Variants in P3H2 observed in about 807,000 individuals in gnomAD.
P3H2 encodes the protein prolyl 3-hydroxylase 2.
P3H2 carries 80 observed loss-of-function variants against 87.0 expected under a neutral mutation model. The observed-to-expected ratio is 0.92, with a 90% CI of 0.77 to 1.11. P3H2 has a LOEUF of 1.11. Among genes scored for constraint, P3H2 ranks in the 50% least tolerant of loss-of-function variants. The pLI, the probability that P3H2 is intolerant of heterozygous loss-of-function variation, is 0.00. For synonymous variants in P3H2, 367 were observed against 359.3 expected, an observed-to-expected ratio of 1.02 and a Z score of -0.24; for missense variants, 1,001 against 923.9, an observed-to-expected ratio of 1.08 and a Z score of -1.08.
rs984415743 is a variant in P3H2, at chr3:189,974,016, T to C, written c.1453-12A>G. ...ACAAGCATGATTCCCTGGAAGCAAA[T>C]ACAAGAAGATACGTCATCAATGATA... On this transcript the variant is annotated splice_polypyrimidine_tract_variant and intron_variant, in intron 9 of 14. Coordinates refer to ENST00000319332, the MANE Select transcript of P3H2 (RefSeq NM_018192.4). 2.5e-6 allele frequency: 4 copies of C among 1,589,964 alleles called. No individual in the cohort carries two copies. The African/African-American group carries it at 5.4e-5, about 21-fold the overall frequency.
chr3:189,994,396 G>A, intron 2 of P3H2, 113 bp from the exon 3 acceptor site: 1 of 797,012 alleles, frequency 1.3e-6, no homozygotes, highest in South Asian at 1.6e-5. Flanking sequence ...AGGTAGATGG[G>A]GTACTGGATG....
intron 1 of P3H2, among the ~76,000 whole-genome samples, chr3:190,045,142 T>A (rs763047577): frequency 1.3e-5 from 2 of 152,170 alleles, no homozygotes; most frequent in Non-Finnish European, 2.9e-5. Context: ...ACCTTTGGCA[T>A]CTCTGAGGAA....
intron 1 of P3H2, among the ~76,000 whole-genome samples, chr3:190,011,227 T>A (rs1724576973): frequency 6.7e-6 from 1 of 149,800 alleles, no homozygotes; most frequent in African/African-American, 2.5e-5. Flanking sequence ...GAGCCGAGAT[T>A]GCGCCACTGC....
chr3:189,966,986 G>T (rs1723024954), intron 13 of P3H2, among the ~76,000 whole-genome samples: 1 of 152,122 alleles, frequency 6.6e-6, no homozygotes, highest in Admixed American at 6.5e-5. Flanking sequence ...ACTTCCTTAT[G>T]TGGCCTCAAG....
intron 12 of P3H2, 39 bp from the exon 13 acceptor site, chr3:189,970,930 G>T (rs1322849294): frequency 4.6e-6 from 5 of 1,091,820 alleles, no homozygotes; most frequent in African/African-American, 3.1e-5. Context: ...ATTATTATAT[G>T]CTTATGAGAG....
At chr3:190,070,888 G>T (rs140839884) in intron 1 of P3H2, among the ~76,000 whole-genome samples, 4 of 152,178 alleles carry the variant, frequency 2.6e-5, no homozygotes, top group Non-Finnish European at 5.9e-5. Flanking sequence ...TAGCTGACCC[G>T]ACCAGAACAT....
chr3:190,046,100 GCGA>G (rs1725794298), intron 1 of P3H2, among the ~76,000 whole-genome samples: 1 of 150,204 alleles, frequency 6.7e-6, no homozygotes, highest in African/African-American at 2.5e-5. Context: ...TCCCGCCTGG[GCGA>G]CAGAGCAAGA....
chr3:189,961,933 AATAGT>A (rs1190868965), intron 14 of P3H2, among the ~76,000 whole-genome samples: 2 of 152,186 alleles, frequency 1.3e-5, no homozygotes, highest in Admixed American at 6.5e-5. Context: ...TGAATACTAG[AATAGT>A]GAGGTAATAT....
intron 1 of P3H2, among the ~76,000 whole-genome samples, chr3:189,999,618 G>C (rs1490633926): frequency 6.6e-6 from 1 of 152,170 alleles, no homozygotes; most frequent in Admixed American, 6.5e-5. Flanking sequence ...GCACACTACA[G>C]TTAAAGGCTC....
At chr3:190,090,727 A>G (rs1047170603) in intron 1 of P3H2, among the ~76,000 whole-genome samples, 5 of 151,924 alleles carry the variant, frequency 3.3e-5, no homozygotes, top group African/African-American at 1.2e-4. Context: ...TTTACCACCT[A>G]TTACCTTAGA....
rs67674803 is a variant in P3H2 at position 189,965,398 on chromosome 3, A to ATG, written c.1894-1302_1894-1301dup. Among the ~76,000 whole-genome samples the ATG allele has an allele frequency of 9.1e-3, 1,390 of 152,172 alleles. 17 individuals carry two copies. The highest frequency in any genetic ancestry group is 0.032 in the African/African-American group (1,334 of 41,506). The stretch of plus-strand genomic sequence containing the variant: ...TGTGTTTATGTCTGTGTGAGTCTGC[A>ATG]TGTGTGTGTATATGTGACTTGTGTG... On this transcript the variant is annotated intron_variant, in intron 13 of 14. Coordinates refer to ENST00000319332, the MANE Select transcript of P3H2 (RefSeq NM_018192.4).
chr3:190,095,359 C>A (rs1208023036), intron 1 of P3H2, among the ~76,000 whole-genome samples: 2 of 108,316 alleles, frequency 1.8e-5, no homozygotes, highest in African/African-American at 3.6e-5. Context: ...TGGATTATCA[C>A]CTCAAAATGT....
chr3:190,087,412 C>A (rs569946193), intron 1 of P3H2, among the ~76,000 whole-genome samples: 16 of 151,540 alleles, frequency 1.1e-4, no homozygotes, highest in Non-Finnish European at 2.2e-4. Context: ...GGTGTGGTGG[C>A]GGGCGCCTGT....
intron 1 of P3H2, among the ~76,000 whole-genome samples, chr3:190,067,007 C>CTT (rs759812431): frequency 0.033 from 4,850 of 144,884 alleles, 353 homozygotes; most frequent in African/African-American, 0.12. Context: ...TTTTAATTTT[C>CTT]TTTCTTTTTT....
rs146835015 is a variant in P3H2, at chr3:189,983,120, A to G, written c.1250T>C (p.Val417Ala). The G allele has an allele frequency of 6.2e-7, 1 of 1,613,738 alleles. No individual in the cohort carries two copies. The highest frequency in any genetic ancestry group is 2.2e-5 in the East Asian group (1 of 44,858). Reference sequence around the variant, plus strand: ...GAATCCATGAACTTCTGCTCCCTCTACGTTCACTCCTGAAGGGACCCTGCC... The same window carrying G: ...GAATCCATGAACTTCTGCTCCCTCTGCGTTCACTCCTGAAGGGACCCTGCC... ...DENRVPSGVNVEGAEVHGFSM... is the reference protein window; with the variant it reads ...DENRVPSGVNAEGAEVHGFSM... Residue 417 changes from valine (V) to alanine (A), a missense_variant, in exon 8 of 15, where the codon GTA becomes GCA. Physicochemically the swap from Val to Ala is moderately conservative, Grantham distance 64 (BLOSUM62 0). Coordinates refer to ENST00000319332, the MANE Select transcript of P3H2 (RefSeq NM_018192.4).
intron 13 of P3H2, among the ~76,000 whole-genome samples, chr3:189,966,163 GAAAGAA>G (rs1722997399): frequency 6.8e-6 from 1 of 146,822 alleles, no homozygotes; most frequent in African/African-American, 2.6e-5. Context: ...AAGAAAGAAA[GAAAGAA>G]AGAAAGAAAG....
At chr3:190,119,532 C>T (rs925513022) in intron 1 of P3H2, among the ~76,000 whole-genome samples, 9 of 152,042 alleles carry the variant, frequency 5.9e-5, no homozygotes, top group African/African-American at 2.2e-4. Flanking sequence ...GTTAGGCATA[C>T]AAAAATAAAA....
rs545789171 is a variant in P3H2, at chr3:190,090,028, A to C, written c.480+30224T>G. ...GTTTGGTGTCTGTGTCATGAAGCAC[A>C]AAGACCGAAGTCAATGAATCTTCTC... On this transcript the variant is annotated intron_variant, in intron 1 of 14. Coordinates refer to ENST00000319332, the MANE Select transcript of P3H2 (RefSeq NM_018192.4). Among the ~76,000 whole-genome samples, 9 of 152,270 alleles carry C rather than the reference A, an allele frequency of 5.9e-5. 1 individual carries two copies. The South Asian group carries it at 1.9e-3, about 32-fold the overall frequency.
At chr3:190,117,391 C>A (rs1490560611) in intron 1 of P3H2, among the ~76,000 whole-genome samples, 2 of 152,172 alleles carry the variant, frequency 1.3e-5, no homozygotes, top group East Asian at 1.9e-4. Flanking sequence ...GTTGGAAAAT[C>A]TCTTAGCTGA....
Sources: allele counts gnomAD v4.1 joint callset (sites outside exome capture counted in the v4.1 genomes callset), GRCh38; gene constraint gnomAD v4.1.1; transcripts MANE v1.5; gene names NCBI Gene and HGNC (gene_info 2026-07-23, HGNC 2026-07-21).